Variants in CNOT7 observed in about 807,000 individuals in gnomAD.
CNOT7 encodes CCR4-NOT transcription complex subunit 7.
CNOT7 carries 4 observed loss-of-function variants against 37.1 expected under a neutral mutation model. The ratio of observed to expected loss-of-function variants is 0.11; its 90% confidence interval spans 0.05 to 0.25. The LOEUF (loss-of-function observed/expected upper bound fraction) is 0.25, where lower values mean the gene tolerates loss of function less well. Ranked by LOEUF, CNOT7 falls within the 10% of genes least tolerant of loss-of-function variation. CNOT7 has a pLI of 1.00. For missense variants in CNOT7, 170 were observed against 336.2 expected (o/e 0.51, Z 3.87); for synonymous variants, 128 against 115.6 (o/e 1.11, Z -0.69).
chr8:17,241,641 C>T (rs530956029), intron 3 of CNOT7: 3 of 152,232 alleles, frequency 2.0e-5, no homozygotes, highest in African/African-American at 7.2e-5. Context: ...TGTAGGATGT[C>T]AAACAGAAGA....
At chr8:17,239,579 C>A (rs1809860931) in intron 3 of CNOT7, among the ~76,000 whole-genome samples, 1 of 152,146 alleles carries the variant, frequency 6.6e-6, no homozygotes. Flanking sequence ...GCAAGCTCCA[C>A]CTCCTGGGTT....
intron 6 of CNOT7, chr8:17,231,545 T>C (rs1808607933): frequency 1.1e-5 from 11 of 985,210 alleles, no homozygotes; most frequent in Non-Finnish European, 1.3e-5. Context: ...CTTTCTATTA[T>C]CAATACATTG....
chr8:17,236,494 C>T (rs1341151423), intron 4 of CNOT7, among the ~76,000 whole-genome samples: 1 of 152,044 alleles, frequency 6.6e-6, no homozygotes, highest in African/African-American at 2.4e-5. Flanking sequence ...AGTTTCATAA[C>T]AATAAAGAAT....
chr8:17,242,269 G>A (rs1042861215), intron 3 of CNOT7: 1 of 152,204 alleles, frequency 6.6e-6, no homozygotes, highest in Non-Finnish European at 1.5e-5. Flanking sequence ...AGGTCCTGCT[G>A]TAATAAGAAT....
rs1451591031 is a variant in CNOT7, at chr8:17,225,773, A to G, written c.*4947T>C. ...AGAAACTCTCATATAAATTACACCA[A>G]CATAGCAAATGGCATGTGTGAACTG... On this transcript the variant is annotated 3_prime_UTR_variant, in exon 7 of 7. Coordinates refer to ENST00000361272, the MANE Select transcript of CNOT7 (RefSeq NM_013354.7). 2 of 151,760 alleles carry G rather than the reference A, an allele frequency of 1.3e-5. No individual in the cohort carries two copies. The highest frequency in any genetic ancestry group is 3.0e-5 in the Non-Finnish European group (2 of 67,734). 9.4% of individuals were successfully genotyped at this position (151,760 alleles called of 1,614,324 possible).
intron 3 of CNOT7, chr8:17,241,145 T>C (rs1475849112): frequency 6.6e-6 from 1 of 152,348 alleles, no homozygotes; most frequent in Non-Finnish European, 1.5e-5. Context: ...TAGATCACTA[T>C]AGCCTTGAAC....
rs1485786575 is a variant in CNOT7 at position 17,227,808 on chromosome 8, G to A, written c.*2912C>T. On this transcript the variant is annotated 3_prime_UTR_variant, in exon 7 of 7. Transcript: ENST00000361272. ...CCATATTCCAATGTGCCTTGAAAGT[G>A]TAACATTCAAAGGTACTTTTCTTGT... The A allele has an allele frequency of 1.3e-5, 2 of 151,848 alleles. No homozygotes were observed. The highest frequency in any genetic ancestry group is 4.8e-5 in the African/African-American group (2 of 41,422). 9.4% of individuals were successfully genotyped at this position (151,848 alleles called of 1,614,324 possible).
At position 17,232,407 on chromosome 8, in the gene CNOT7, A is replaced by C; in HGVS notation, c.729+20T>G. 1.2e-6 allele frequency: 2 copies of C among 1,613,464 alleles called. No individual in the cohort carries two copies. The highest frequency in any genetic ancestry group is 1.1e-5 in the South Asian group (1 of 90,944). ...TCAACCTAACAACCAACTGAGAAAA[A>C]GGCAGTGATGTCTTCATACTTCTCT... On this transcript the variant is annotated intron_variant, in intron 6 of 6. Transcript: ENST00000361272.
rs1348155608 is a variant in CNOT7, at chr8:17,232,162, A to G, written c.729+265T>C. On this transcript the variant is annotated intron_variant, in intron 6 of 6. Coordinates refer to ENST00000361272, the MANE Select transcript of CNOT7 (RefSeq NM_013354.7). ...CCTGTTTTCTCACCTGAGAAATAAT[A>G]TGGTTGGACCTACATGACTTCTCAG... 31 of 1,160,330 alleles carry G rather than the reference A, an allele frequency of 2.7e-5. No individual in the cohort carries two copies. The Admixed American group carries it at 1.2e-3, about 44-fold the overall frequency. 71.9% of individuals were successfully genotyped at this position (1,160,330 alleles called of 1,614,324 possible).
At chr8:17,230,876 AAG>A (rs1491391088) in intron 6 of CNOT7, 28 bp from the exon 7 acceptor site, 3 of 1,524,094 alleles carry the variant, frequency 2.0e-6, no homozygotes, top group African/African-American at 2.8e-5. Flanking sequence ...AGAAAAAAAA[AAG>A]ATAATTTTAA....
rs1366146548 is a variant in CNOT7, at chr8:17,226,016, G to A, written c.*4704C>T. The A allele has an allele frequency of 7.2e-6, 1 of 138,174 alleles. No individual in the cohort carries two copies. Among genetic ancestry groups the A allele is most frequent in the Non-Finnish European group, 1.6e-5 (1 of 64,246 alleles). The allele number at this position is 138,174 out of a possible 1,614,324, so 8.6% of individuals were successfully genotyped here. A position where few individuals can be genotyped will look rare whatever the true frequency, so the allele number is the denominator to read the frequency against. On this transcript the variant is annotated 3_prime_UTR_variant, in exon 7 of 7. Coordinates refer to ENST00000361272, the MANE Select transcript of CNOT7 (RefSeq NM_013354.7). ...AGACCCTTGAGTTTCTTCTAGTAGAGAGGTGGACAAGCCTTTTTTTTTTTT... is the reference window on the plus strand; with the variant it reads ...AGACCCTTGAGTTTCTTCTAGTAGAAAGGTGGACAAGCCTTTTTTTTTTTT...
Position 17,245,021 on chromosome 8 carries a change from T to A in CNOT7, c.117+15A>T. ...CTTTATATGAAGCGTTTTAAAGATC[T>A]GCTTGTGGGCATACCATAGCAACGT... On this transcript the variant is annotated intron_variant, in intron 2 of 6. Transcript: ENST00000361272. 6.3e-7 allele frequency: 1 copy of A among 1,594,148 alleles called. No individual in the cohort carries two copies. Among genetic ancestry groups the A allele is most frequent in the Non-Finnish European group, 8.6e-7 (1 of 1,165,516 alleles).
chr8:17,230,990 C>T (rs1266054731), intron 6 of CNOT7, 142 bp from the exon 7 acceptor site: 2 of 565,754 alleles, frequency 3.5e-6, no homozygotes, highest in Non-Finnish European at 6.1e-6. Flanking sequence ...TGAGGCTACG[C>T]ATTTCAGTTC....
In CNOT7 at chr8:17,230,554, A is replaced by G; in HGVS notation, c.*166T>C. 1 of 422,684 alleles carries G rather than the reference A, an allele frequency of 2.4e-6. No homozygotes were observed. Among genetic ancestry groups the G allele is most frequent in the Non-Finnish European group, 4.1e-6 (1 of 241,346 alleles). The allele number at this position is 422,684 out of a possible 1,614,324, so 26.2% of individuals were successfully genotyped here. A position where few individuals can be genotyped will look rare whatever the true frequency, so the allele number is the denominator to read the frequency against. ...CGTTTTTTTTTTTCTTTTTATTAAG[A>G]TCTGAGATAGGAACGGTCATACTTA... On this transcript the variant is annotated 3_prime_UTR_variant, in exon 7 of 7. Coordinates refer to ENST00000361272, the MANE Select transcript of CNOT7 (RefSeq NM_013354.7).
Position 17,225,033 on chromosome 8 carries a change from C to T in CNOT7, c.*5687G>A, listed in dbSNP as rs1202969228. ...ATACAAGACACCTGCTCACAACTTA[C>T]AGTATTAATTTTTTAGAAAAACAAA... On this transcript the variant is annotated 3_prime_UTR_variant, in exon 7 of 7. Transcript: ENST00000361272. 3 of 151,680 alleles carry T rather than the reference C, an allele frequency of 2.0e-5. No homozygotes were observed. Among genetic ancestry groups the T allele is most frequent in the South Asian group, 2.1e-4 (1 of 4,830 alleles). The allele number at this position is 151,680 out of a possible 1,614,324, so 9.4% of individuals were successfully genotyped here. A position where few individuals can be genotyped will look rare whatever the true frequency, so the allele number is the denominator to read the frequency against.
chr8:17,236,305 A>G (rs10113259), intron 4 of CNOT7, among the ~76,000 whole-genome samples: 37,910 of 152,088 alleles, frequency 0.25, 6,309 homozygotes, highest in East Asian at 0.66. Context: ...GAGTATTAAC[A>G]TCTATGTAAC....
chr8:17,231,792 C>G, intron 6 of CNOT7: 1 of 985,696 alleles, frequency 1.0e-6, no homozygotes. Context: ...ACACTTTATA[C>G]TCAAGGAACT....
chr8:17,231,398 TAA>T, intron 6 of CNOT7: 1 of 391,264 alleles, frequency 2.6e-6, no homozygotes, highest in Non-Finnish European at 3.5e-6. Context: ...AATGCAAAGC[TAA>T]AAAATCCAAA....
intron 5 of CNOT7, among the ~76,000 whole-genome samples, chr8:17,233,656 T>C (rs1277492859): frequency 6.6e-6 from 1 of 151,936 alleles, no homozygotes. Context: ...TTTCACAGGG[T>C]GGGCTGAATT....
Sources: allele counts gnomAD v4.1 joint callset (sites outside exome capture counted in the v4.1 genomes callset), GRCh38; gene constraint gnomAD v4.1.1; transcripts MANE v1.5; gene names NCBI Gene and HGNC (gene_info 2026-07-23, HGNC 2026-07-21).